Variants in DLEC1 observed in about 807,000 individuals in gnomAD.
DLEC1 encodes the protein deleted in lung and esophageal cancer protein 1.
Under a neutral mutation model 198.1 loss-of-function variants are expected in DLEC1, and 146 were observed. The ratio of observed to expected loss-of-function variants is 0.74; its 90% CI spans 0.64 to 0.85. The LOEUF (loss-of-function observed/expected upper bound fraction) is 0.85. Ranked by LOEUF, DLEC1 falls within the 40% of genes least tolerant of loss-of-function variation. The pLI is 0.00. For missense variants in DLEC1, 2,233 were observed against 2,220.0 expected (o/e 1.01, Z -0.12); for synonymous variants, 897 against 866.8 (o/e 1.03, Z -0.61).
intron 1 of DLEC1, 48 bp from the exon 2 acceptor site, chr3:38,045,495 G>T: frequency 2.5e-6 from 4 of 1,587,660 alleles, no homozygotes; most frequent in Non-Finnish European, 3.4e-6. Flanking sequence ...CTAAGTAATG[G>T]TAAGTAATCT....
At chr3:38,064,590 G>A (rs1217370879) in intron 6 of DLEC1, among the ~76,000 whole-genome samples, 1 of 149,172 alleles carries the variant, frequency 6.7e-6, no homozygotes, top group East Asian at 2.1e-4. Context: ...GGGCGGCCGG[G>A]CAGAGGCTCC....
chr3:38,111,855 T>C, intron 24 of DLEC1, 108 bp downstream of exon 24: 1 of 1,258,454 alleles, frequency 7.9e-7, no homozygotes, highest in Non-Finnish European at 1.1e-6. Context: ...GACCAGAGAC[T>C]GCTCTCAGAT....
Position 38,094,989 on chromosome 3 carries a change from C to A in DLEC1, c.2030C>A (p.Thr677Asn). ...ATCAAGTGCTACCCCGACAAGGAGA[C>A]TGCCTTCTCCATCATGCCCAGAAAG... ...DSIKCYPDKE[T>N]AFSIMPRKGV... The change falls in exon 13 of 37, where the codon ACT (threonine) becomes AAT (asparagine). Residue 677 changes from threonine to asparagine, a missense_variant. Coordinates refer to ENST00000308059, the MANE Select transcript of DLEC1 (RefSeq NM_007335.4). 1 of 1,614,254 alleles carries A rather than the reference C, an allele frequency of 6.2e-7. No individual in the cohort carries two copies. Among genetic ancestry groups the A allele is most frequent in the Non-Finnish European group, 8.5e-7 (1 of 1,180,044 alleles).
chr3:38,115,046 C>T lies in DLEC1; in HGVS notation c.3849C>T (p.Ser1283=), dbSNP rs368374726. 6.2e-7 allele frequency: 1 copy of T among 1,613,846 alleles called. No individual in the cohort carries two copies. The highest frequency in any genetic ancestry group is 8.5e-7 in the Non-Finnish European group (1 of 1,179,938). ...GAACCCTTCGCCTGAATAACTCCAG[C>T]CCCTGTGGTAAGACATGCATGAGAG... The part of the protein sequence containing the change: ...VTRTLRLNNS[S]PCDIRLDWET... Residue 1283 remains serine (S), a synonymous_variant, in exon 27 of 37, where the codon AGC becomes AGT. Transcript: ENST00000308059.
At chr3:38,056,555 C>G (rs1280634364) in intron 2 of DLEC1, among the ~76,000 whole-genome samples, 1 of 152,156 alleles carries the variant, frequency 6.6e-6, no homozygotes. Context: ...AGTGATCTGC[C>G]CACCTCGGCC....
Position 38,085,290 on chromosome 3 carries a change from A to C in DLEC1, c.1278A>C (p.Lys426Asn), listed in dbSNP as rs1032986736. Residue 426 changes from lysine (K) to asparagine (N), a missense_variant, in exon 8 of 37, where the codon AAA (lysine) becomes AAC (asparagine). Physicochemically the swap from Lys to Asn is moderately conservative, Grantham distance 94. Transcript: ENST00000308059. The stretch of plus-strand genomic sequence containing the variant: ...CATGCACAGGGATGTTCCCAGGAAA[A>C]GGTGGAATGGTGGCTCCTGGAATGA... ...FALGLGMFPG[K>N]GGMVAPGMTC... is the part of the protein sequence containing the mutation. The C allele has an allele frequency of 6.2e-6, 10 of 1,613,988 alleles. No individual in the cohort carries two copies. The African/African-American group carries it at 9.3e-5, about 15-fold the overall frequency.
intron 1 of DLEC1, among the ~76,000 whole-genome samples, chr3:38,041,721 G>A (rs1020861954): frequency 1.3e-5 from 2 of 151,496 alleles, no homozygotes; most frequent in Non-Finnish European, 2.9e-5. Flanking sequence ...GGTGGTGTGT[G>A]ACTGTAATCC....
chr3:38,052,501 G>A (rs1248553825), intron 2 of DLEC1: 3 of 194,474 alleles, frequency 1.5e-5, no homozygotes, highest in Non-Finnish European at 3.3e-5. Flanking sequence ...CGTTTATTGC[G>A]AGAGAAGCCC....
chr3:38,088,048 T>C (rs530000859), intron 9 of DLEC1, among the ~76,000 whole-genome samples: 8 of 152,346 alleles, frequency 5.3e-5, no homozygotes, highest in African/African-American at 1.4e-4. Context: ...CTCCTGTCAG[T>C]AGTCAGCTCT....
Position 38,095,030 on chromosome 3 carries a change from C to T in DLEC1, c.2071C>T (p.His691Tyr), listed in dbSNP as rs185801100. Residue 691 changes from histidine (H) to tyrosine (Y), a missense_variant, in exon 13 of 37, where the codon CAC (histidine) becomes TAC (tyrosine). Coordinates refer to ENST00000308059, the MANE Select transcript of DLEC1 (RefSeq NM_007335.4). Reference protein sequence around the residue: ...IMPRKGVLSPHTDHEFILSFS... With the variant: ...IMPRKGVLSPYTDHEFILSFS... The stretch of plus-strand genomic sequence containing the variant: ...GCCCAGAAAGGGGGTTCTAAGCCCC[C>T]ACACAGACCACGAGTTCATCCTGAG... The T allele has an allele frequency of 9.3e-6, 15 of 1,614,236 alleles. No homozygotes were observed. The Admixed American group carries it at 1.3e-4, about 14-fold the overall frequency.
At chr3:38,098,038 C>T in intron 18 of DLEC1, 136 bp downstream of exon 18, 5 of 1,093,056 alleles carry the variant, frequency 4.6e-6, no homozygotes, top group Non-Finnish European at 5.2e-6. Flanking sequence ...TGACTTCGGC[C>T]TGGCGGTGCC....
chr3:38,088,604 C>T (rs1296795174), intron 10 of DLEC1, among the ~76,000 whole-genome samples: 1 of 152,178 alleles, frequency 6.6e-6, no homozygotes, highest in Non-Finnish European at 1.5e-5. Flanking sequence ...CCTAGCATCA[C>T]ATCACAAACC....
Position 38,115,005 on chromosome 3 carries a change from G to A in DLEC1, c.3808G>A (p.Gly1270Arg). ...AMRFGTQVSG[G>R]DTVTRTLRLN... ...CAGGTTCGGCACCCAGGTCTCCGGA[G>A]GAGACACAGTTACCCGAACCCTTCG... Residue 1270 changes from glycine (G) to arginine (R), a missense_variant, in exon 27 of 37, where the codon GGA (glycine) becomes AGA (arginine). Transcript: ENST00000308059. 2 of 1,613,998 alleles carry A rather than the reference G, an allele frequency of 1.2e-6. No individual in the cohort carries two copies. Among genetic ancestry groups the A allele is most frequent in the Non-Finnish European group, 1.7e-6 (2 of 1,179,914 alleles).
chr3:38,082,907 G>A (rs1288255075), intron 6 of DLEC1, among the ~76,000 whole-genome samples: 2 of 152,152 alleles, frequency 1.3e-5, no homozygotes, highest in Non-Finnish European at 2.9e-5. Flanking sequence ...TAAACACTAC[G>A]GGAAGGCTGC....
At chr3:38,121,218 G>A (rs1287264109) in intron 34 of DLEC1, among the ~76,000 whole-genome samples, 1 of 152,240 alleles carries the variant, frequency 6.6e-6, no homozygotes, top group Non-Finnish European at 1.5e-5. Flanking sequence ...TGAGTGTGAT[G>A]CAGGGGCTGC....
intron 21 of DLEC1, 57 bp downstream of exon 21, chr3:38,108,572 C>T (rs923207731): frequency 2.2e-6 from 3 of 1,366,080 alleles, no homozygotes; most frequent in South Asian, 1.2e-5. Flanking sequence ...CAACCATACG[C>T]ACCTGTGCCA....
chr3:38,062,043 G>A (rs1208967653), intron 3 of DLEC1, 126 bp from the exon 4 acceptor site: 11 of 887,272 alleles, frequency 1.2e-5, no homozygotes, highest in Non-Finnish European at 1.8e-5. Flanking sequence ...AGCTGGTGTG[G>A]TAAATATGAA....
In DLEC1 at chr3:38,117,830, C is replaced by T; in HGVS notation, c.4510C>T (p.His1504Tyr). ...SGVLSELVTT[H>Y]HLKLTNTTEI... is the part of the protein sequence containing the mutation. ...GGTGCTGAGTGAGCTGGTGACCACCCACCACCTGAAGCTGACCAACACTAC... is the reference window on the plus strand; with the variant it reads ...GGTGCTGAGTGAGCTGGTGACCACCTACCACCTGAAGCTGACCAACACTAC... The change falls in exon 33 of 37, where the codon CAC becomes TAC. Residue 1504 changes from histidine to tyrosine, a missense_variant. His to Tyr is a moderately conservative substitution (Grantham distance 83). Coordinates refer to ENST00000308059, the MANE Select transcript of DLEC1 (RefSeq NM_007335.4). 6.2e-7 allele frequency: 1 copy of T among 1,614,134 alleles called. No individual in the cohort carries two copies. Among genetic ancestry groups the T allele is most frequent in the East Asian group, 2.2e-5 (1 of 44,886 alleles).
At chr3:38,098,043 G>A (rs1002188963) in intron 18 of DLEC1, 141 bp downstream of exon 18, 12 of 1,045,476 alleles carry the variant, frequency 1.1e-5, no homozygotes, top group African/African-American at 1.1e-4. Context: ...TCGGCCTGGC[G>A]GTGCCTCCTG....
Sources: gnomAD v4.1 joint callset for allele counts (sites outside exome capture counted in the v4.1 genomes callset) on GRCh38, gnomAD v4.1.1 for gene constraint, MANE v1.5 for transcripts, NCBI Gene and HGNC (gene_info 2026-07-23, HGNC 2026-07-21) for gene names.